CTBP1: variants seen among roughly 807,000 people sequenced by gnomAD.
CTBP1 encodes C-terminal-binding protein 1.
A neutral mutation model predicts 42.1 loss-of-function variants in CTBP1; 11 were observed. The observed-to-expected ratio is 0.26, with a 90% CI of 0.16 to 0.43. The LOEUF (loss-of-function observed/expected upper bound fraction) is 0.43, where lower values mean the gene tolerates loss of function less well. Ranked by LOEUF, CTBP1 falls within the 20% of genes least tolerant of loss-of-function variation. The pLI, the probability that CTBP1 is intolerant of heterozygous loss-of-function variation, is 1.00. For missense variants in CTBP1, 399 were observed against 624.3 expected (o/e 0.64, Z 3.85); for synonymous variants, 324 against 277.1 (o/e 1.17, Z -1.68).
At chr4:1,225,213 G>A (rs1577039592) in intron 5 of CTBP1, 147 bp downstream of exon 5, 1 of 920,802 alleles carries the variant, frequency 1.1e-6, no homozygotes, top group Non-Finnish European at 1.6e-6. Flanking sequence ...GGGCCCTGGT[G>A]CCTGTGCGCA....
At chr4:1,249,206 A>ACGCGGGCGGCTCAGGG (rs1293328891), upstream of CTBP1, 1 of 146,766 alleles carries the variant, frequency 6.8e-6, no homozygotes, top group Non-Finnish European at 1.5e-5. Flanking sequence ...GCACGGACTC[A>ACGCGGGCGGCTCAGGG]CGCGGGCGGC....
intron 3 of CTBP1, among the ~76,000 whole-genome samples, chr4:1,230,212 G>A (rs141709082): frequency 8.5e-5 from 13 of 152,080 alleles, no homozygotes; most frequent in South Asian, 4.1e-4. Flanking sequence ...CAGACGTAGT[G>A]TGGACGGGGT....
intron 5 of CTBP1, chr4:1,221,525 G>A (rs1729731711): frequency 2.5e-5 from 4 of 158,046 alleles, no homozygotes; most frequent in African/African-American, 7.2e-5. Context: ...GTCTGGAGAA[G>A]CAAATCGTGC....
At chr4:1,231,929 G>A (rs553672705) in intron 3 of CTBP1, among the ~76,000 whole-genome samples, 32 of 152,384 alleles carry the variant, frequency 2.1e-4, no homozygotes, top group Middle Eastern at 6.8e-3. Flanking sequence ...GCACCTGTGA[G>A]AACCCAGGAG....
intron 1 of CTBP1, chr4:1,242,826 C>T (rs1374805867): frequency 1.0e-5 from 10 of 985,312 alleles, no homozygotes; most frequent in Non-Finnish European, 1.1e-5. Flanking sequence ...AGGAGAAAAC[C>T]GCCTAAATGT....
Position 1,225,466 on chromosome 4 carries a change from G to A in CTBP1, c.408C>T (p.His136=), listed in dbSNP as rs1223834362. ...LNLYRRATWL[H]QALREGTRVQ... ...CTCGTGTGCCCTCCCGCAGCGCCTG[G>A]TGCAGCCAGGTGGCCCGCCGGTACA... The change falls in exon 5 of 10, where the codon CAC becomes CAT. Residue 136 remains histidine (H), a synonymous_variant. Transcript: ENST00000382952. 15 of 1,542,888 alleles carry A rather than the reference G, an allele frequency of 9.7e-6. No individual in the cohort carries two copies. Among genetic ancestry groups the A allele is most frequent in the Admixed American group, 2.0e-5 (1 of 50,982 alleles).
chr4:1,212,853 G>A (rs749296084), intron 9 of CTBP1, 60 bp downstream of exon 9: 286 of 1,429,512 alleles, frequency 2.0e-4, no homozygotes, highest in Non-Finnish European at 2.3e-4. Flanking sequence ...GGCTGTGCTG[G>A]GATCCAGGGG....
Position 1,242,919 on chromosome 4 carries a change from A to C in CTBP1, c.-188-1400T>G, listed in dbSNP as rs370209810. On this transcript the variant is annotated intron_variant, in intron 1 of 9. Coordinates refer to ENST00000382952, the MANE Select transcript of CTBP1 (RefSeq NM_001012614.2). Reference sequence around the variant, plus strand: ...CAGCCAAACTCATCAATGCCAGCCGATACTCATCAACGCCAGCCGATACTC... The same window carrying C: ...CAGCCAAACTCATCAATGCCAGCCGCTACTCATCAACGCCAGCCGATACTC... The C allele has an allele frequency of 3.5e-4, 345 of 985,198 alleles. 4 individuals are homozygous for C. In the South Asian group the frequency reaches 0.013, roughly 38 times the overall value. 61.0% of individuals were successfully genotyped at this position (985,198 alleles called of 1,614,324 possible). A position where few individuals can be genotyped will look rare whatever the true frequency, so the allele number is the denominator to read the frequency against.
intron 7 of CTBP1, chr4:1,214,017 T>C (rs1333088771): frequency 4.7e-6 from 2 of 423,348 alleles, no homozygotes; most frequent in Non-Finnish European, 8.4e-6. Flanking sequence ...GCTGCAGGTC[T>C]GGACGGGATG....
chr4:1,232,672 A>G (rs533878178), intron 3 of CTBP1, among the ~76,000 whole-genome samples: 4 of 152,342 alleles, frequency 2.6e-5, no homozygotes, highest in African/African-American at 9.6e-5. Flanking sequence ...CTGTAGTATC[A>G]CATTTTCCAC....
intron 5 of CTBP1, chr4:1,218,581 A>C (rs1385182577): frequency 6.6e-6 from 1 of 152,188 alleles, no homozygotes; most frequent in African/African-American, 2.4e-5. Context: ...TATTCAAAAG[A>C]AAAATTACTG....
At chr4:1,244,184 C>T (rs190379748) in intron 1 of CTBP1, 6 of 985,194 alleles carry the variant, frequency 6.1e-6, no homozygotes, top group South Asian at 9.4e-5. Context: ...ATCTGCTTGC[C>T]GGATCCTCCC....
In CTBP1 at chr4:1,212,439, C is replaced by G. The variant is rs1053675426; in HGVS notation, c.1107-16G>C. 3 of 1,428,370 alleles carry G rather than the reference C, an allele frequency of 2.1e-6. No homozygotes were observed. The South Asian group carries it at 4.6e-5, about 22-fold the overall frequency. 88.5% of individuals were successfully genotyped at this position (1,428,370 alleles called of 1,614,324 possible). On this transcript the variant is annotated splice_polypyrimidine_tract_variant and intron_variant, in intron 9 of 9. Transcript: ENST00000382952. The stretch of plus-strand genomic sequence containing the variant: ...CGGAGGGTACCTGCTGGGAGAGGGT[C>G]CATCCGTGAGGCCCACCTGTAGGCG...
At chr4:1,242,611 G>A (rs908282166) in intron 1 of CTBP1, 35 of 985,408 alleles carry the variant, frequency 3.6e-5, no homozygotes, top group Middle Eastern at 5.2e-4. Flanking sequence ...CCCCACGCAC[G>A]CACCTCCCAT....
chr4:1,217,726 G>A (rs540361580), intron 5 of CTBP1: 1 of 152,234 alleles, frequency 6.6e-6, no homozygotes, highest in Non-Finnish European at 1.5e-5. Flanking sequence ...TCTTCCACAT[G>A]ATGTCTGGCT....
At chr4:1,242,838 A>G in intron 1 of CTBP1, 4 of 985,430 alleles carry the variant, frequency 4.1e-6, no homozygotes, top group Non-Finnish European at 3.6e-6. Flanking sequence ...CCTAAATGTC[A>G]CATTTCACCC....
chr4:1,222,980 TCAGA>T (rs1729919287), intron 5 of CTBP1, among the ~76,000 whole-genome samples: 1 of 152,098 alleles, frequency 6.6e-6, no homozygotes, highest in East Asian at 1.9e-4. Flanking sequence ...AGGTGAGGTG[TCAGA>T]CCTGTGGCTG....
In CTBP1 at chr4:1,242,131, C is replaced by T. The variant is rs1204704324; in HGVS notation, c.-188-612G>A. 3.0e-6 allele frequency: 3 copies of T among 985,352 alleles called. No individual in the cohort carries two copies. In the African/African-American group the frequency reaches 5.2e-5, roughly 17 times the overall value. 61.0% of individuals were successfully genotyped at this position (985,352 alleles called of 1,614,324 possible). On this transcript the variant is annotated intron_variant, in intron 1 of 9. Coordinates refer to ENST00000382952, the MANE Select transcript of CTBP1 (RefSeq NM_001012614.2). ...AAAAAAACTGCTCAGCTCTTCCTGA[C>T]CGCTACGGCCAGGGCCTGGCGGGAA... is the stretch of plus-strand genomic sequence containing the variant.
intron 1 of CTBP1, chr4:1,242,309 G>A: frequency 1.0e-6 from 1 of 985,392 alleles, no homozygotes; most frequent in South Asian, 4.7e-5. Context: ...GCTCTGGCAT[G>A]AAGACACAGC....
Sources: gnomAD v4.1 joint callset for allele counts (sites outside exome capture counted in the v4.1 genomes callset) on GRCh38, gnomAD v4.1.1 for gene constraint, MANE v1.5 for transcripts, NCBI Gene and HGNC (gene_info 2026-07-23, HGNC 2026-07-21) for gene names.